DIP2A: variants seen among roughly 807,000 people sequenced by gnomAD.
DIP2A encodes the protein disco-interacting protein 2 homolog A.
In DIP2A, 85 loss-of-function variants were observed where a neutral mutation model predicts 177.4. That is an observed-to-expected ratio of 0.48 (90% CI 0.40 to 0.57). DIP2A has a LOEUF of 0.57. Ranked by LOEUF, DIP2A falls within the 20% of genes least tolerant of loss-of-function variation. The probability of loss-of-function intolerance (pLI) is 0.00; values close to 1 mark genes in which losing one functional copy is unlikely to be tolerated. For synonymous variants in DIP2A, 886 were observed against 881.8 expected (o/e 1.00, Z -0.08); for missense variants, 1,791 against 2,100.2 (o/e 0.85, Z 2.88).
intron 8 of DIP2A, among the ~76,000 whole-genome samples, chr21:46,514,644 T>TTG (rs2058486614): frequency 9.1e-6 from 1 of 109,826 alleles, no homozygotes; most frequent in Non-Finnish European, 2.0e-5. Context: ...TTTTTTTGGT[T>TTG]TTTTTTTTTT....
chr21:46,471,291 A>G (rs1391271149), intron 1 of DIP2A, among the ~76,000 whole-genome samples: 7 of 152,116 alleles, frequency 4.6e-5, no homozygotes, highest in Non-Finnish European at 1.0e-4. Context: ...TTGGCCTCCC[A>G]AAGTCCTGGG....
intron 1 of DIP2A, among the ~76,000 whole-genome samples, chr21:46,480,037 C>T (rs780318174): frequency 2.7e-5 from 4 of 150,578 alleles, no homozygotes; most frequent in South Asian, 2.1e-4. Flanking sequence ...TTCTGTGTCA[C>T]GAGCTTGGAG....
At chr21:46,538,264 C>CT (rs1257190006) in intron 15 of DIP2A, among the ~76,000 whole-genome samples, 3 of 152,254 alleles carry the variant, frequency 2.0e-5, no homozygotes, top group African/African-American at 7.2e-5. Context: ...GTTTTGATGT[C>CT]TAAATTGTAC....
intron 27 of DIP2A, 38 bp from the exon 28 acceptor site, chr21:46,554,784 A>AGGGGGGGG: frequency 3.3e-6 from 5 of 1,537,368 alleles, no homozygotes; most frequent in Non-Finnish European, 3.5e-6. Flanking sequence ...GCAGCTTGAG[A>AGGGGGGGG]GGCCCCGCCC....
In DIP2A at chr21:46,514,617, C is replaced by CTTTTTTTTTTTTTTTTTTTTTTTTTTT. The variant is rs752628688; in HGVS notation, c.1102+3026_1102+3027insTTTTTTTTTTTTTTTTTTTTTTTTTTT. Among the ~76,000 whole-genome samples the CTTTTTTTTTTTTTTTTTTTTTTTTTTT allele has an allele frequency of 2.0e-4, 14 of 70,516 alleles. 1 individual carries two copies. The highest frequency in any genetic ancestry group is 2.5e-4 in the Non-Finnish European group (10 of 40,774). 46.3% of individuals were successfully genotyped at this position (70,516 alleles called of 152,430 possible). A position where few individuals can be genotyped will look rare whatever the true frequency, so the allele number is the denominator to read the frequency against. ...CCTTTCCAATACTTAAACTTTTATT[C>CTTTTTTTTTTTTTTTTTTTTTTTTTTT]TTTTTTTTTTTTTTTTTTTTTTTGG... On this transcript the variant is annotated intron_variant, in intron 8 of 37. Coordinates refer to ENST00000417564, the MANE Select transcript of DIP2A (RefSeq NM_015151.4).
At chr21:46,464,246 A>G (rs1490807225) in intron 1 of DIP2A, among the ~76,000 whole-genome samples, 1 of 151,830 alleles carries the variant, frequency 6.6e-6, no homozygotes, top group Non-Finnish European at 1.5e-5. Context: ...ACAAAAAATT[A>G]GCCGGGCGTG....
At chr21:46,549,176 A>G (rs572105662) in intron 21 of DIP2A, among the ~76,000 whole-genome samples, 21 of 152,300 alleles carry the variant, frequency 1.4e-4, no homozygotes, top group Admixed American at 7.8e-4. Flanking sequence ...AGGAAAGGAC[A>G]AGAGACGGTA....
intron 15 of DIP2A, 41 bp from the exon 16 acceptor site, chr21:46,538,442 C>A: frequency 3.3e-6 from 5 of 1,535,044 alleles, no homozygotes; most frequent in South Asian, 1.2e-5. Context: ...GGGTGCCAGT[C>A]CTTGTGACGC....
Position 46,498,624 on chromosome 21 carries a change from C to G in DIP2A, c.446C>G (p.Pro149Arg), listed in dbSNP as rs1204445336. The G allele has an allele frequency of 6.2e-7, 1 of 1,612,746 alleles. No homozygotes were observed. The highest frequency in any genetic ancestry group is 8.5e-7 in the Non-Finnish European group (1 of 1,179,432). ...GAAGATGAGGGCTCTTTACGGCGAC[C>G]CGGGCGACTCACCTCCACTCCGCTC... ...ASEDEGSLRR[P>R]GRLTSTPLQS... Residue 149 changes from proline to arginine, a missense_variant, in exon 5 of 38, where the codon CCC becomes CGC. By Grantham distance (103) the Pro-to-Arg change is moderately radical. Coordinates refer to ENST00000417564, the MANE Select transcript of DIP2A (RefSeq NM_015151.4). This position sits in a 1 kb window ranked among gnomAD's most constrained non-coding sequence, Gnocchi z 4.3.
chr21:46,570,354 A>T (rs116009728), downstream of DIP2A, among the ~76,000 whole-genome samples: 814 of 152,330 alleles, frequency 5.3e-3, 7 homozygotes, highest in African/African-American at 0.019. Context: ...ACAATTTGAT[A>T]GGCAAATAAG....
chr21:46,558,579 G>C, intron 32 of DIP2A, 186 bp downstream of exon 32: 1 of 638,528 alleles, frequency 1.6e-6, no homozygotes, highest in South Asian at 2.0e-5. Flanking sequence ...TTCTATTCTA[G>C]TTGGAGAAAG....
At chr21:46,479,304 G>C (rs925090462) in intron 1 of DIP2A, among the ~76,000 whole-genome samples, 1 of 152,142 alleles carries the variant, frequency 6.6e-6, no homozygotes, top group African/African-American at 2.4e-5. Flanking sequence ...GTTCCCATTG[G>C]AAGAGTTGGT....
rs142297768 is a variant in DIP2A at position 46,480,368 on chromosome 21, C to G, written c.92-4389C>G. 2.3e-3 allele frequency among the ~76,000 whole-genome samples: 347 copies of G among 152,234 alleles called. 1 individual carries two copies. Among genetic ancestry groups the G allele is most frequent in the African/African-American group, 7.9e-3 (327 of 41,526 alleles). On this transcript the variant is annotated intron_variant, in intron 1 of 37. Transcript: ENST00000417564. The stretch of plus-strand genomic sequence containing the variant: ...AACAGCATGGGGAAAAACCTGCCCC[C>G]GTGATTCAGTTACCTCCCACTGGGT...
chr21:46,464,474 TTG>T (rs1044292177), intron 1 of DIP2A, among the ~76,000 whole-genome samples: 33 of 152,338 alleles, frequency 2.2e-4, no homozygotes, highest in Middle Eastern at 6.8e-3. Context: ...TTAGTCTATT[TTG>T]TGTTGTGTTT....
At chr21:46,494,920 C>G (rs2057220746) in intron 3 of DIP2A, among the ~76,000 whole-genome samples, 1 of 152,080 alleles carries the variant, frequency 6.6e-6, no homozygotes, top group Non-Finnish European at 1.5e-5. Context: ...CCAGAATCTG[C>G]CATTTCTAAG....
intron 6 of DIP2A, among the ~76,000 whole-genome samples, chr21:46,506,836 C>T (rs1253124777): frequency 1.7e-5 from 2 of 120,044 alleles, no homozygotes; most frequent in Admixed American, 9.8e-5. Flanking sequence ...CGGAGTTTCA[C>T]TGTCACCCAG....
At chr21:46,550,044 A>G in intron 22 of DIP2A, 159 bp downstream of exon 22, 3 of 1,450,886 alleles carry the variant, frequency 2.1e-6, no homozygotes, top group South Asian at 2.8e-5. Flanking sequence ...TTACAGCTGT[A>G]TGTATTTACG....
chr21:46,502,205 A>T (rs958403950), intron 5 of DIP2A, among the ~76,000 whole-genome samples: 3 of 152,064 alleles, frequency 2.0e-5, no homozygotes, highest in African/African-American at 7.2e-5. Context: ...GTATGGTCCT[A>T]GCTCACTGTA....
chr21:46,510,722 C>T (rs1009913886), intron 7 of DIP2A, among the ~76,000 whole-genome samples: 1 of 149,322 alleles, frequency 6.7e-6, no homozygotes, highest in African/African-American at 2.5e-5. Context: ...GCTCCACCTC[C>T]TGAGTTCACG....
Sources: gnomAD v4.1 joint callset for allele counts (sites outside exome capture counted in the v4.1 genomes callset) on GRCh38, gnomAD v4.1.1 for gene constraint, Gnocchi (gnomAD v3.1) non-coding constraint, MANE v1.5 for transcripts, NCBI Gene and HGNC (gene_info 2026-07-23, HGNC 2026-07-21) for gene names.